PHYHIPL: variants seen among roughly 807,000 people sequenced by gnomAD.
PHYHIPL encodes the protein phytanoyl-CoA hydroxylase-interacting protein-like.
In PHYHIPL, 9 loss-of-function variants were observed where a neutral mutation model predicts 33.4. The ratio of observed to expected loss-of-function variants is 0.27; its 90% confidence interval spans 0.16 to 0.47. PHYHIPL has a LOEUF of 0.47. Ranked by LOEUF, PHYHIPL falls within the 20% of genes least tolerant of loss-of-function variation. The probability of loss-of-function intolerance (pLI) is 0.99; values close to 1 mark genes in which losing one functional copy is unlikely to be tolerated. For missense variants in PHYHIPL, 365 were observed against 460.7 expected (o/e 0.79, Z 1.90); for synonymous variants, 153 against 154.1 (o/e 0.99, Z 0.05).
chr10:59,177,768 G>A, intron 1 of PHYHIPL: 1 of 937,126 alleles, frequency 1.1e-6, no homozygotes, highest in Non-Finnish European at 1.7e-6. Flanking sequence ...GTGCTTCTGG[G>A]TTAGCTGGAC....
At chr10:59,233,452 A>G (rs1398832004) in intron 1 of PHYHIPL, among the ~76,000 whole-genome samples, 2 of 151,536 alleles carry the variant, frequency 1.3e-5, no homozygotes, top group Non-Finnish European at 3.0e-5. Flanking sequence ...CTCTTGAGGC[A>G]TTGAACATTA....
chr10:59,218,406 T>G (rs1190013281), intron 1 of PHYHIPL, among the ~76,000 whole-genome samples: 1 of 152,182 alleles, frequency 6.6e-6, no homozygotes, highest in Non-Finnish European at 1.5e-5. Context: ...AGTAATCTCT[T>G]TAGATCATAG....
chr10:59,199,414 C>A (rs1446551000), intron 1 of PHYHIPL, among the ~76,000 whole-genome samples: 2 of 152,010 alleles, frequency 1.3e-5, no homozygotes, highest in African/African-American at 4.8e-5. Context: ...CCATTGGTCT[C>A]TATCTCTGTT....
chr10:59,240,247 T>G (rs1336040145), intron 4 of PHYHIPL, among the ~76,000 whole-genome samples: 1 of 152,052 alleles, frequency 6.6e-6, no homozygotes, highest in Non-Finnish European at 1.5e-5. Flanking sequence ...TAAATTATTG[T>G]GCTTGTCAGT....
intron 1 of PHYHIPL, among the ~76,000 whole-genome samples, chr10:59,225,759 C>A (rs1183656186): frequency 6.6e-6 from 1 of 152,032 alleles, no homozygotes; most frequent in African/African-American, 2.4e-5. Flanking sequence ...ATGTAACTAC[C>A]CCTTCAGATT....
intron 2 of PHYHIPL, among the ~76,000 whole-genome samples, chr10:59,235,744 G>C (rs1840210971): frequency 1.3e-5 from 2 of 151,778 alleles, no homozygotes; most frequent in Admixed American, 1.3e-4. Context: ...TCTCCACTTG[G>C]AATACCATAT....
At chr10:59,212,120 C>A (rs1243850011) in intron 1 of PHYHIPL, among the ~76,000 whole-genome samples, 1 of 152,074 alleles carries the variant, frequency 6.6e-6, no homozygotes, top group Admixed American at 6.5e-5. Flanking sequence ...CAAGCTCAGC[C>A]CCCTCACCAT....
intron 4 of PHYHIPL, among the ~76,000 whole-genome samples, chr10:59,240,515 G>A (rs1840361760): frequency 6.6e-6 from 1 of 151,280 alleles, no homozygotes; most frequent in South Asian, 2.1e-4. Context: ...AAAAAAAAGT[G>A]TTGAAAAGAT....
chr10:59,186,322 T>A (rs1333136963), intron 1 of PHYHIPL, among the ~76,000 whole-genome samples: 6 of 152,218 alleles, frequency 3.9e-5, no homozygotes, highest in Admixed American at 3.9e-4. Context: ...TCCATTGGTC[T>A]CTATCTCTGT....
At chr10:59,213,786 A>G (rs1286036725) in intron 1 of PHYHIPL, among the ~76,000 whole-genome samples, 1 of 152,230 alleles carries the variant, frequency 6.6e-6, no homozygotes, top group Admixed American at 6.5e-5. Context: ...ACCCACTACA[A>G]CATATCAGAA....
intron 1 of PHYHIPL, among the ~76,000 whole-genome samples, chr10:59,202,091 A>G (rs16913292): frequency 6.6e-6 from 1 of 152,156 alleles, no homozygotes; most frequent in African/African-American, 2.4e-5. Context: ...AATCACTCCA[A>G]CGAAGGCTTA....
intron 1 of PHYHIPL, among the ~76,000 whole-genome samples, 180 bp from the exon 2 acceptor site, chr10:59,234,122 GAT>G (rs1840159149): frequency 6.6e-6 from 1 of 151,782 alleles, no homozygotes; most frequent in Non-Finnish European, 1.5e-5. Flanking sequence ...AGATTAGAAA[GAT>G]AGAGTGTCAG....
intron 3 of PHYHIPL, 142 bp downstream of exon 3, chr10:59,236,799 G>C: frequency 1.6e-6 from 1 of 633,602 alleles, no homozygotes; most frequent in Non-Finnish European, 2.4e-6. Flanking sequence ...TTGTGTAACA[G>C]AATAAACAAT....
intron 2 of PHYHIPL, 39 bp from the exon 3 acceptor site, chr10:59,236,444 C>G (rs756866029): frequency 9.6e-6 from 13 of 1,352,502 alleles, no homozygotes; most frequent in Non-Finnish European, 1.2e-5. Context: ...TCTCTGTCTC[C>G]CCTCATTTTT....
In PHYHIPL at chr10:59,245,335, G is replaced by C; in HGVS notation, c.875G>C (p.Gly292Ala). 6.2e-7 allele frequency: 1 copy of C among 1,614,138 alleles called. No homozygotes were observed. The highest frequency in any genetic ancestry group is 8.5e-7 in the Non-Finnish European group (1 of 1,180,032). The change falls in exon 5 of 5, where the codon GGA becomes GCA. Residue 292 changes from glycine to alanine, a missense_variant. Transcript: ENST00000373880. The stretch of plus-strand genomic sequence containing the variant: ...GTTATTGCTCCTGTGGGATCACCAG[G>C]AGATGAATTTTGTAAGCAGCGCCTT... ...ILVIAPVGSP[G>A]DEFCKQRLPQ...
rs148696674 is a variant in PHYHIPL at position 59,227,681 on chromosome 10, A to G, written c.107-6623A>G. Among the ~76,000 whole-genome samples, 493 of 152,304 alleles carry G rather than the reference A, an allele frequency of 3.2e-3. 4 individuals are homozygous for G. The highest frequency in any genetic ancestry group is 2.1e-3 in the Non-Finnish European group (142 of 68,028). Reference sequence around the variant, plus strand: ...GTAAAGCAAACATTTGAGACACATAAGGAGAAATTAGCTGAAACACAATGG... The same window carrying G: ...GTAAAGCAAACATTTGAGACACATAGGGAGAAATTAGCTGAAACACAATGG... On this transcript the variant is annotated intron_variant, in intron 1 of 4. Transcript: ENST00000373880.
rs1430006753 is a variant in PHYHIPL at position 59,247,501 on chromosome 10, ACCACT to A, written c.*1911_*1915del. The A allele has an allele frequency of 6.1e-6, 8 of 1,303,714 alleles. No homozygotes were observed. In the East Asian group the frequency reaches 1.9e-4, roughly 30 times the overall value. 80.8% of individuals were successfully genotyped at this position (1,303,714 alleles called of 1,614,324 possible). A position where few individuals can be genotyped will look rare whatever the true frequency, so the allele number is the denominator to read the frequency against. On this transcript the variant is annotated 3_prime_UTR_variant, in exon 5 of 5. Coordinates refer to ENST00000373880, the MANE Select transcript of PHYHIPL (RefSeq NM_032439.4). The stretch of plus-strand genomic sequence containing the variant: ...TTCCTTCTTAAAAACAGCTAATACT[ACCACT>A]AAAGTGCTTCCATTTTCATTGTGTC...
chr10:59,190,553 G>T (rs1024709392), intron 1 of PHYHIPL, among the ~76,000 whole-genome samples: 10 of 151,688 alleles, frequency 6.6e-5, no homozygotes, highest in African/African-American at 1.9e-4. Flanking sequence ...CAGAACAGTT[G>T]ATTTATTTTC....
intron 1 of PHYHIPL, among the ~76,000 whole-genome samples, chr10:59,223,603 G>A (rs76361134): frequency 0.035 from 5,309 of 151,984 alleles, 144 homozygotes; most frequent in Non-Finnish European, 0.05. Context: ...TATGAATAAC[G>A]ATGATAAAAT....
Sources: gnomAD v4.1 joint callset for allele counts (sites outside exome capture counted in the v4.1 genomes callset) on GRCh38, gnomAD v4.1.1 for gene constraint, MANE v1.5 for transcripts, NCBI Gene and HGNC (gene_info 2026-07-23, HGNC 2026-07-21) for gene names.